The following GHR variants were observed in gnomAD, a reference collection of about 807,000 sequenced individuals.
GHR encodes the protein growth hormone receptor.
In GHR, 35 loss-of-function variants were observed where a neutral mutation model predicts 67.1. That is an observed-to-expected ratio of 0.52 (90% confidence interval 0.40 to 0.69). The LOEUF is 0.69. Ranked by LOEUF, GHR falls within the 30% of genes least tolerant of loss-of-function variation. The pLI, the probability that GHR is intolerant of heterozygous loss-of-function variation, is 0.00. For missense variants in GHR, 792 were observed against 764.6 expected (o/e 1.04, Z -0.42); for synonymous variants, 272 against 269.1 (o/e 1.01, Z -0.10).
At chr5:42,439,360 A>C (rs1200657555) in intron 1 of GHR, among the ~76,000 whole-genome samples, 1 of 152,188 alleles carries the variant, frequency 6.6e-6, no homozygotes, top group Admixed American at 6.5e-5. Flanking sequence ...GAGGAATATA[A>C]AGCAAAGTTG....
intron 1 of GHR, among the ~76,000 whole-genome samples, chr5:42,544,311 A>C (rs1373988467): frequency 6.6e-6 from 1 of 152,212 alleles, no homozygotes; most frequent in Admixed American, 6.5e-5. Context: ...TCTCAAATAA[A>C]TGTAAAACAA....
rs533132078 is a variant in GHR at position 42,686,099 on chromosome 5, A to G, written c.137-2791A>G. On this transcript the variant is annotated intron_variant, in intron 3 of 9. Transcript: ENST00000230882. ...GGTCTTACGTTTAAGTCTTTAATCC[A>G]TCTTGAGTTAATTTTTGTATAAGAT... Among the ~76,000 whole-genome samples the G allele has an allele frequency of 1.0e-3, 152 of 152,292 alleles. 1 individual carries two copies. The highest frequency in any genetic ancestry group is 3.4e-3 in the African/African-American group (143 of 41,556).
intron 2 of GHR, among the ~76,000 whole-genome samples, chr5:42,577,870 G>A (rs1263771407): frequency 1.3e-5 from 2 of 152,094 alleles, no homozygotes; most frequent in Admixed American, 1.3e-4. Flanking sequence ...CTCTGTTTGT[G>A]GTTAGCTTGT....
intron 1 of GHR, among the ~76,000 whole-genome samples, chr5:42,514,518 C>T (rs1747159674): frequency 6.6e-6 from 1 of 151,078 alleles, no homozygotes. Context: ...TACCCTATAA[C>T]CAATATAAAT....
intron 5 of GHR, among the ~76,000 whole-genome samples, 170 bp from the exon 6 acceptor site, chr5:42,699,654 A>G (rs1193912804): frequency 1.3e-5 from 2 of 152,238 alleles, no homozygotes; most frequent in Non-Finnish European, 2.9e-5. Context: ...TGAGTTAAAA[A>G]AAAAAGTTAC....
At chr5:42,645,334 C>T (rs537748592) in intron 3 of GHR, among the ~76,000 whole-genome samples, 1 of 152,272 alleles carries the variant, frequency 6.6e-6, no homozygotes, top group South Asian at 2.1e-4. Context: ...TTTCTTAGAG[C>T]TGAAATCATC....
intron 1 of GHR, among the ~76,000 whole-genome samples, chr5:42,453,867 G>A (rs1009554922): frequency 6.6e-6 from 1 of 152,162 alleles, no homozygotes; most frequent in African/African-American, 2.4e-5. Context: ...GCCTATTGGG[G>A]TATAGGTGCA....
intron 3 of GHR, among the ~76,000 whole-genome samples, chr5:42,634,396 A>AC (rs11440371): frequency 0.031 from 4,673 of 151,598 alleles, 151 homozygotes; most frequent in African/African-American, 0.078. Flanking sequence ...TGCTTTTTGC[A>AC]CCCCCCCTTA....
chr5:42,464,646 T>C (rs559803576), intron 1 of GHR, among the ~76,000 whole-genome samples: 1 of 152,324 alleles, frequency 6.6e-6, no homozygotes, highest in African/African-American at 2.4e-5. Context: ...GTCTCTGCCA[T>C]GTTATCTTAG....
intron 2 of GHR, among the ~76,000 whole-genome samples, chr5:42,592,567 C>A (rs994718547): frequency 6.6e-6 from 1 of 152,198 alleles, no homozygotes; most frequent in African/African-American, 2.4e-5. Flanking sequence ...GCTTCCAGCA[C>A]TATCCATGTG....
intron 3 of GHR, among the ~76,000 whole-genome samples, chr5:42,679,272 A>G (rs1756736685): frequency 6.7e-6 from 1 of 149,590 alleles, no homozygotes; most frequent in East Asian, 1.9e-4. Flanking sequence ...ATATACATAT[A>G]AATAATTTTC....
chr5:42,718,850 T>A lies in GHR; in HGVS notation c.1343T>A (p.Val448Asp), dbSNP rs1325289544. Residue 448 changes from valine to aspartate, a missense_variant, in exon 10 of 10, where the codon GTT (valine) becomes GAT (aspartate). Physicochemically the swap from Val to Asp is radical, Grantham distance 152 (BLOSUM62 -3). Transcript: ENST00000230882. ...DACPATQQPS[V>D]IQAEKNKPQP... ...TGCCCTGCTACTCAGCAGCCCAGTG[T>A]TATCCAAGCAGAGAAAAACAAACCA... The A allele has an allele frequency of 6.2e-7, 1 of 1,614,100 alleles. No individual in the cohort carries two copies.
At chr5:42,467,406 C>A in intron 1 of GHR, 1 of 919,902 alleles carries the variant, frequency 1.1e-6, no homozygotes, top group Non-Finnish European at 1.8e-6. Context: ...CAGTGTGGAT[C>A]CTCTGGTGGA....
At chr5:42,612,335 G>A (rs922858994) in intron 2 of GHR, among the ~76,000 whole-genome samples, 9 of 152,166 alleles carry the variant, frequency 5.9e-5, no homozygotes, top group African/African-American at 2.2e-4. Context: ...CTTTCGGATA[G>A]GATGTTATAA....
intron 1 of GHR, 193 bp from the exon 2 acceptor site, chr5:42,565,668 ATTT>A: frequency 3.0e-6 from 3 of 985,366 alleles, no homozygotes; most frequent in Non-Finnish European, 3.6e-6. Flanking sequence ...GGGAAGTAGA[ATTT>A]ATTACAACCT....
intron 1 of GHR, among the ~76,000 whole-genome samples, chr5:42,519,422 G>A (rs1747379512): frequency 1.3e-5 from 2 of 152,102 alleles, no homozygotes; most frequent in Non-Finnish European, 2.9e-5. Context: ...AAGAATACTG[G>A]CAGAAGACAA....
chr5:42,457,262 T>G (rs1744301633), intron 1 of GHR, among the ~76,000 whole-genome samples: 1 of 152,192 alleles, frequency 6.6e-6, no homozygotes, highest in South Asian at 2.1e-4. Flanking sequence ...TACTAGAATT[T>G]TACATTTTAT....
chr5:42,480,164 C>A (rs574871706), intron 1 of GHR, among the ~76,000 whole-genome samples: 1 of 152,276 alleles, frequency 6.6e-6, no homozygotes, highest in Non-Finnish European at 1.5e-5. Context: ...CATTCAGGAG[C>A]AGGTTGTTCA....
In GHR at chr5:42,424,267, A is replaced by G. The variant is rs531492373; in HGVS notation, c.-12+312A>G. On this transcript the variant is annotated intron_variant, in intron 1 of 9. Transcript: ENST00000230882. This position sits in a 1 kb window ranked among gnomAD's most constrained non-coding sequence, Gnocchi z 4.1. ...GGGAGTTGCGGGCGACAGACGAACCATCACACTCTGGCGTCTGCTCTGGCC... is the reference window on the plus strand; with the variant it reads ...GGGAGTTGCGGGCGACAGACGAACCGTCACACTCTGGCGTCTGCTCTGGCC... Among the ~76,000 whole-genome samples the G allele has an allele frequency of 2.0e-5, 3 of 149,382 alleles. No individual in the cohort carries two copies. In the South Asian group the frequency reaches 6.4e-4, roughly 32 times the overall value.
Sources: gnomAD v4.1 joint callset for allele counts (sites outside exome capture counted in the v4.1 genomes callset) on GRCh38, gnomAD v4.1.1 for gene constraint, Gnocchi (gnomAD v3.1) non-coding constraint, MANE v1.5 for transcripts, NCBI Gene and HGNC (gene_info 2026-07-23, HGNC 2026-07-21) for gene names.